The following MAP7D1 variants were observed in gnomAD, a reference collection of about 807,000 sequenced individuals.
The protein encoded by MAP7D1 is MAP7 domain containing 1, also known as MAP7 domain-containing protein 1.
A neutral mutation model predicts 97.5 loss-of-function variants in MAP7D1; 30 were observed. That is an observed-to-expected ratio of 0.31 (90% CI 0.23 to 0.42). The LOEUF (loss-of-function observed/expected upper bound fraction) is 0.42. MAP7D1 is among the 10% of genes least tolerant of loss of function. The pLI is 1.00. For synonymous variants in MAP7D1, 536 were observed against 477.1 expected, an observed-to-expected ratio of 1.12 and a Z score of -1.61; for missense variants, 1,184 against 1,179.5, an observed-to-expected ratio of 1.00 and a Z score of -0.06.
chr1:36,173,019 C>T (rs749899602), intron 4 of MAP7D1, among the ~76,000 whole-genome samples: 5 of 152,182 alleles, frequency 3.3e-5, no homozygotes, highest in Non-Finnish European at 5.9e-5. Context: ...GGGCCTCAGG[C>T]TAGAGGGAAC....
intron 8 of MAP7D1, chr1:36,177,452 C>T (rs1408175109): frequency 3.3e-5 from 14 of 422,050 alleles, no homozygotes; most frequent in Admixed American, 5.6e-5. Context: ...CCCAGGAGGT[C>T]GAGGCTGTAG....
At position 36,159,938 on chromosome 1, in the gene MAP7D1, C is replaced by G. The variant is rs1226590893; in HGVS notation, c.46+3475C>G. 6.6e-6 allele frequency among the ~76,000 whole-genome samples: 1 copy of G among 152,204 alleles called. No individual in the cohort carries two copies. Among genetic ancestry groups the G allele is most frequent in the Non-Finnish European group, 1.5e-5 (1 of 68,024 alleles). ...CAATAATGAGGCCTCTAATGAGCCCCTAATGTGCAGTCACGCATATGCAAA... is the reference window on the plus strand; with the variant it reads ...CAATAATGAGGCCTCTAATGAGCCCGTAATGTGCAGTCACGCATATGCAAA... On this transcript the variant is annotated intron_variant, in intron 1 of 16. Transcript: ENST00000474796. This position sits in a 1 kb window ranked among gnomAD's most constrained non-coding sequence, Gnocchi z 5.4.
Position 36,171,035 on chromosome 1 carries a change from A to AC in MAP7D1, c.113dup (p.Pro39ThrfsTer22). 1 of 1,097,350 alleles carries AC rather than the reference A, an allele frequency of 9.1e-7. No homozygotes were observed. Among genetic ancestry groups the AC allele is most frequent in the Non-Finnish European group, 1.2e-6 (1 of 848,310 alleles). 68.0% of individuals were successfully genotyped at this position (1,097,350 alleles called of 1,614,324 possible). On this transcript the variant is annotated frameshift_variant, in exon 2 of 17. Transcript: ENST00000474796. LOFTEE classifies it high-confidence loss of function. ...CAGAAGGTGACCCTTCCCCCCCACC[A>AC]CCACCAATGTCAGCCCTGGTCCCCG...
At chr1:36,175,366 G>A (rs1280001629) in intron 6 of MAP7D1, among the ~76,000 whole-genome samples, 1 of 152,184 alleles carries the variant, frequency 6.6e-6, no homozygotes, top group Non-Finnish European at 1.5e-5. Context: ...TTAGCCAGGT[G>A]GCATTGTCCC....
chr1:36,167,263 A>C (rs1644484645), intron 1 of MAP7D1, among the ~76,000 whole-genome samples: 1 of 152,190 alleles, frequency 6.6e-6, no homozygotes, highest in Non-Finnish European at 1.5e-5. Context: ...GACAGTCAGC[A>C]AGGTAGAAGG....
intron 6 of MAP7D1, among the ~76,000 whole-genome samples, chr1:36,175,728 A>C (rs933264140): frequency 6.6e-6 from 1 of 152,166 alleles, no homozygotes; most frequent in Admixed American, 6.5e-5. Context: ...GCAGGCAGGC[A>C]CCCTAGCAGC....
Position 36,178,832 on chromosome 1 carries a change from G to A in MAP7D1, c.2025+9G>A. The A allele has an allele frequency of 6.7e-7, 1 of 1,501,096 alleles. No individual in the cohort carries two copies. The highest frequency in any genetic ancestry group is 1.2e-5 in the South Asian group (1 of 82,868). The allele number at this position is 1,501,096 out of a possible 1,614,324, so 93.0% of individuals were successfully genotyped here. A position where few individuals can be genotyped will look rare whatever the true frequency, so the allele number is the denominator to read the frequency against. On this transcript the variant is annotated intron_variant, in intron 11 of 16. Transcript: ENST00000474796. ...AGCGGCTGCAGAAGCAGGTGCCCCCGGCGGGCGGGAAGCGGCTGGGCGCGG... is the reference window on the plus strand; with the variant it reads ...AGCGGCTGCAGAAGCAGGTGCCCCCAGCGGGCGGGAAGCGGCTGGGCGCGG...
chr1:36,178,623 G>A (rs777459569), intron 10 of MAP7D1, 27 bp downstream of exon 10: 2 of 1,549,450 alleles, frequency 1.3e-6, no homozygotes, highest in Admixed American at 3.8e-5. Flanking sequence ...GACTGAGGGG[G>A]CCCTCGTGGG....
Position 36,178,827 on chromosome 1 carries a change from C to T in MAP7D1, c.2025+4C>T. The T allele has an allele frequency of 6.5e-7, 1 of 1,534,064 alleles. No homozygotes were observed. Among genetic ancestry groups the T allele is most frequent in the East Asian group, 2.5e-5 (1 of 39,590 alleles). ...GCAGGAGCGGCTGCAGAAGCAGGTG[C>T]CCCCGGCGGGCGGGAAGCGGCTGGG... is the stretch of plus-strand genomic sequence containing the variant. On this transcript the variant is annotated splice_donor_region_variant and intron_variant, in intron 11 of 16. Coordinates refer to ENST00000474796, the MANE Select transcript of MAP7D1 (RefSeq NM_001388490.1).
chr1:36,156,919 C>T (rs1212903809), intron 1 of MAP7D1, among the ~76,000 whole-genome samples: 1 of 152,100 alleles, frequency 6.6e-6, no homozygotes, highest in Non-Finnish European at 1.5e-5. Flanking sequence ...CATACCGACG[C>T]CTCGGCCTTA....
At chr1:36,171,429 G>T in intron 2 of MAP7D1, 84 bp from the exon 3 acceptor site, 1 of 1,563,474 alleles carries the variant, frequency 6.4e-7, no homozygotes, top group Non-Finnish European at 8.8e-7. Context: ...AAAGGATGGG[G>T]TGAGGCCCGG....
At chr1:36,170,250 C>T (rs755457760) in intron 1 of MAP7D1, among the ~76,000 whole-genome samples, 1 of 152,192 alleles carries the variant, frequency 6.6e-6, no homozygotes, top group South Asian at 2.1e-4. Flanking sequence ...TTACAGGATT[C>T]CTACAATAGT....
intron 1 of MAP7D1, among the ~76,000 whole-genome samples, chr1:36,158,228 C>T (rs891952657): frequency 1.3e-5 from 2 of 152,038 alleles, no homozygotes; most frequent in African/African-American, 4.8e-5. Flanking sequence ...GAGGACTCTT[C>T]TATACACAGG....
In MAP7D1 at chr1:36,176,645, C is replaced by G. The variant is rs1429752140; in HGVS notation, c.1234-52C>G. On this transcript the variant is annotated intron_variant, in intron 7 of 16. Transcript: ENST00000474796. The surrounding 1 kb of genome is among the most constrained non-coding windows in gnomAD (Gnocchi z 6.1). ...GGACAGGCAGCCTGGAACTGGGGTA[C>G]GCGGGCGCTGCTGACCTCTACTCTC... 1.9e-6 allele frequency: 3 copies of G among 1,588,216 alleles called. No homozygotes were observed. The highest frequency in any genetic ancestry group is 2.6e-6 in the Non-Finnish European group (3 of 1,164,414).
At chr1:36,175,046 T>A in intron 6 of MAP7D1, 38 bp downstream of exon 6, 2 of 1,401,276 alleles carry the variant, frequency 1.4e-6, no homozygotes, top group Non-Finnish European at 2.0e-6. Flanking sequence ...CCAGAGCCCC[T>A]TGTAGCTCCC....
chr1:36,162,046 T>C (rs1644419978), intron 1 of MAP7D1, among the ~76,000 whole-genome samples: 1 of 152,060 alleles, frequency 6.6e-6, no homozygotes, highest in African/African-American at 2.4e-5. Context: ...CTTCGCCTGC[T>C]CTAGTGTTGT....
Position 36,173,522 on chromosome 1 carries a change from G to T in MAP7D1, c.739+44G>T, listed in dbSNP as rs199788204. ...CTGGGGAGTGGGTGGGCAAGGCTGG[G>T]ATGGCAAGTAAGGGAAGGGAACAAC... On this transcript the variant is annotated intron_variant, in intron 5 of 16. Coordinates refer to ENST00000474796, the MANE Select transcript of MAP7D1 (RefSeq NM_001388490.1). The T allele has an allele frequency of 3.4e-5, 50 of 1,463,862 alleles. No homozygotes were observed. The African/African-American group carries it at 6.6e-4, about 19-fold the overall frequency. The allele number at this position is 1,463,862 out of a possible 1,614,324, so 90.7% of individuals were successfully genotyped here. A position where few individuals can be genotyped will look rare whatever the true frequency, so the allele number is the denominator to read the frequency against.
In MAP7D1 at chr1:36,178,980, A is replaced by G. The variant is rs1366169812; in HGVS notation, c.2085A>G (p.Glu695=). The change falls in exon 12 of 17, where the codon GAA becomes GAG. Residue 695 remains glutamate, a synonymous_variant. Transcript: ENST00000474796. ...CGGAGCGGCAGCGTCTGGAGCGGGA[A>G]AAGCACTTCCAGCAGCAGGAGCAAG... ...EEAERQRLER[E]KHFQQQEQER... The G allele has an allele frequency of 1.9e-6, 3 of 1,559,106 alleles. No homozygotes were observed. Among genetic ancestry groups the G allele is most frequent in the Non-Finnish European group, 2.6e-6 (3 of 1,151,828 alleles).
chr1:36,176,910 G>A lies in MAP7D1; in HGVS notation c.1379+68G>A, dbSNP rs2124245735. ...ATTTATTCATCACCCACAAATATTT[G>A]TTGGGCAACCACCTCTAGAATGCAA... On this transcript the variant is annotated intron_variant, in intron 8 of 16. Coordinates refer to ENST00000474796, the MANE Select transcript of MAP7D1 (RefSeq NM_001388490.1). The surrounding 1 kb of genome is among the most constrained non-coding windows in gnomAD (Gnocchi z 6.1). 1.5e-6 allele frequency: 2 copies of A among 1,376,992 alleles called. No homozygotes were observed. Among genetic ancestry groups the A allele is most frequent in the East Asian group, 2.5e-5 (1 of 39,706 alleles). The allele number at this position is 1,376,992 out of a possible 1,614,324, so 85.3% of individuals were successfully genotyped here.
Sources: gnomAD v4.1 joint callset for allele counts (sites outside exome capture counted in the v4.1 genomes callset) on GRCh38, gnomAD v4.1.1 for gene constraint, Gnocchi (gnomAD v3.1) non-coding constraint, MANE v1.5 for transcripts, NCBI Gene and HGNC (gene_info 2026-07-23, HGNC 2026-07-21) for gene names.